RYR2: variants seen among roughly 807,000 people sequenced by gnomAD.
RYR2 encodes the protein ryanodine receptor 2, also known as cardiac muscle ryanodine receptor-calcium release channel.
RYR2 carries 227 observed loss-of-function variants against 601.1 expected under a neutral mutation model. The observed-to-expected ratio is 0.38, with a 90% CI of 0.34 to 0.42. RYR2 has a LOEUF of 0.42. Among genes scored for constraint, RYR2 ranks in the 10% least tolerant of loss-of-function variants. The pLI is 1.00. For missense variants in RYR2, 4,646 were observed against 6,156.5 expected (o/e 0.75, Z 8.21); for synonymous variants, 2,223 against 2,175.1 (o/e 1.02, Z -0.61).
chr1:237,137,531 A>G (rs1337264258), intron 1 of RYR2, among the ~76,000 whole-genome samples: 1 of 152,224 alleles, frequency 6.6e-6, no homozygotes, highest in Non-Finnish European at 1.5e-5. Flanking sequence ...ATGATCTTGC[A>G]ATAAATGTAA....
At chr1:237,680,339 G>C in intron 61 of RYR2, 117 bp from the exon 62 acceptor site, 1 of 701,562 alleles carries the variant, frequency 1.4e-6, no homozygotes. Context: ...TGCCTGGCAT[G>C]GACATAAGGA....
At chr1:237,495,730 A>T (rs1664002689) in intron 19 of RYR2, among the ~76,000 whole-genome samples, 1 of 152,172 alleles carries the variant, frequency 6.6e-6, no homozygotes, top group Admixed American at 6.5e-5. Flanking sequence ...CTTATTAATC[A>T]CCTTGGTTCC....
rs71642895 is a variant in RYR2 at position 237,466,593 on chromosome 1, T to A, written c.1613-2499T>A. Among the ~76,000 whole-genome samples, 925 of 152,060 alleles carry A rather than the reference T, an allele frequency of 6.1e-3. 5 individuals are homozygous for A. Among genetic ancestry groups the A allele is most frequent in the Non-Finnish European group, 8.8e-3 (596 of 67,960 alleles). On this transcript the variant is annotated intron_variant, in intron 16 of 104. Coordinates refer to ENST00000366574, the MANE Select transcript of RYR2 (RefSeq NM_001035.3). ...TTGATCAATCTTACTATTATATAAATTATTTTTATTTCTAATGTATTAATT... is the reference window on the plus strand; with the variant it reads ...TTGATCAATCTTACTATTATATAAAATATTTTTATTTCTAATGTATTAATT...
intron 2 of RYR2, among the ~76,000 whole-genome samples, chr1:237,314,651 TA>T (rs1694932001): frequency 6.6e-6 from 1 of 152,230 alleles, no homozygotes; most frequent in African/African-American, 2.4e-5. Flanking sequence ...GTTGAGCAGT[TA>T]AATGCTTGAA....
At chr1:237,126,077 A>AAATACAAGAATT (rs1671377575) in intron 1 of RYR2, among the ~76,000 whole-genome samples, 1 of 152,134 alleles carries the variant, frequency 6.6e-6, no homozygotes, top group Non-Finnish European at 1.5e-5. Flanking sequence ...TCTCTACTAA[A>AAATACAAGAATT]AATACAAGAA....
Position 237,512,967 on chromosome 1 carries a change from C to T in RYR2, c.2822+1176C>T, listed in dbSNP as rs567766111. ...CGGCAATTCACAGGCTGGATCATGG[C>T]GCACTGCAGCCTGCAACTCCTGGGT... On this transcript the variant is annotated intron_variant, in intron 24 of 104. Coordinates refer to ENST00000366574, the MANE Select transcript of RYR2 (RefSeq NM_001035.3). Among the ~76,000 whole-genome samples, 3 of 152,300 alleles carry T rather than the reference C, an allele frequency of 2.0e-5. No individual in the cohort carries two copies. The East Asian group carries it at 5.8e-4, about 29-fold the overall frequency.
rs150611246 is a variant in RYR2 at position 237,274,982 on chromosome 1, A to G, written c.168+4366A>G. ...ATTACATACACTCCATGATGTACAC[A>G]TAATGATAAGATCACCTGATGACAC... On this transcript the variant is annotated intron_variant, in intron 2 of 104. Coordinates refer to ENST00000366574, the MANE Select transcript of RYR2 (RefSeq NM_001035.3). Among the ~76,000 whole-genome samples the G allele has an allele frequency of 5.9e-3, 898 of 152,122 alleles. 11 individuals carry two copies. Among genetic ancestry groups the G allele is most frequent in the African/African-American group, 0.021 (857 of 41,488 alleles).
chr1:237,364,140 A>G (rs1478194187), intron 4 of RYR2, among the ~76,000 whole-genome samples: 1 of 152,146 alleles, frequency 6.6e-6, no homozygotes. Context: ...ACTAACGTCA[A>G]AACATTTTTA....
chr1:237,156,423 A>G (rs1675339273), intron 1 of RYR2, among the ~76,000 whole-genome samples: 2 of 152,210 alleles, frequency 1.3e-5, no homozygotes. Flanking sequence ...TACAATGCAT[A>G]TTAGTAAAGA....
At chr1:237,510,663 C>A (rs1665798169) in intron 23 of RYR2, among the ~76,000 whole-genome samples, 1 of 152,126 alleles carries the variant, frequency 6.6e-6, no homozygotes, top group South Asian at 2.1e-4. Context: ...TCTCATGTGG[C>A]ATTTTTAGGA....
Position 237,783,781 on chromosome 1 carries a change from A to G in RYR2, c.12069A>G (p.Leu4023=). The G allele has an allele frequency of 1.2e-6, 2 of 1,613,368 alleles. No homozygotes were observed. Among genetic ancestry groups the G allele is most frequent in the Non-Finnish European group, 1.7e-6 (2 of 1,179,608 alleles). The change falls in exon 90 of 105, where the codon CTA becomes CTG. Residue 4023 remains leucine (L), a synonymous_variant. Transcript: ENST00000366574. ...AATTTTTTGACATGTTCTTAAAACT[A>G]AAGGATTTGACGTCGTCTGATACTT... ...ILKFFDMFLK[L]KDLTSSDTFK...
At chr1:237,692,617 G>A (rs1344559464) in intron 63 of RYR2, among the ~76,000 whole-genome samples, 2 of 152,136 alleles carry the variant, frequency 1.3e-5, no homozygotes, top group African/African-American at 4.8e-5. Flanking sequence ...CCTCTTGAAT[G>A]TGTTAGATTC....
chr1:237,548,393 G>C (rs1382886405), intron 25 of RYR2, 38 bp from the exon 26 acceptor site: 3 of 1,603,798 alleles, frequency 1.9e-6, no homozygotes, highest in South Asian at 2.2e-5. Context: ...TTATGAAAAG[G>C]CCAATTATAC....
chr1:237,680,826 T>C (rs1331023442), intron 62 of RYR2, among the ~76,000 whole-genome samples: 1 of 151,056 alleles, frequency 6.6e-6, no homozygotes, highest in East Asian at 2.0e-4. Context: ...ATCACTCATT[T>C]CACAATCTAC....
chr1:237,674,554 A>G (rs1053632080), intron 59 of RYR2, among the ~76,000 whole-genome samples, 177 bp from the exon 60 acceptor site: 1 of 152,132 alleles, frequency 6.6e-6, no homozygotes, highest in African/African-American at 2.4e-5. Context: ...AATATTCTTT[A>G]TAGGTTAAAT....
intron 41 of RYR2, among the ~76,000 whole-genome samples, chr1:237,630,137 C>T (rs187065455): frequency 1.7e-4 from 26 of 152,200 alleles, no homozygotes; most frequent in African/African-American, 6.0e-4. Context: ...AAAAGTAAAT[C>T]ATTCATTAGT....
At chr1:237,132,067 G>T (rs1014353312) in intron 1 of RYR2, among the ~76,000 whole-genome samples, 1 of 152,050 alleles carries the variant, frequency 6.6e-6, no homozygotes, top group Admixed American at 6.6e-5. Flanking sequence ...CACTGAATAG[G>T]GTTGGTCTGT....
At chr1:237,288,809 C>T (rs1166561107) in intron 2 of RYR2, among the ~76,000 whole-genome samples, 1 of 152,136 alleles carries the variant, frequency 6.6e-6, no homozygotes, top group East Asian at 1.9e-4. Context: ...TTTGCACCCT[C>T]CCCTGAGTTC....
chr1:237,368,097 T>C (rs1401114430), intron 5 of RYR2, among the ~76,000 whole-genome samples: 1 of 152,000 alleles, frequency 6.6e-6, no homozygotes, highest in Non-Finnish European at 1.5e-5. Context: ...ATAGAGAAGG[T>C]AGTCTTTAAT....
Sources: gnomAD v4.1 joint callset for allele counts (sites outside exome capture counted in the v4.1 genomes callset) on GRCh38, gnomAD v4.1.1 for gene constraint, MANE v1.5 for transcripts, NCBI Gene and HGNC (gene_info 2026-07-23, HGNC 2026-07-21) for gene names.